MB21D2: variants seen among roughly 807,000 people sequenced by gnomAD.
MB21D2 encodes nucleotidyltransferase MB21D2.
A neutral mutation model predicts 33.3 loss-of-function variants in MB21D2; 9 were observed. The ratio of observed to expected loss-of-function variants is 0.27; its 90% CI spans 0.16 to 0.47. The LOEUF (loss-of-function observed/expected upper bound fraction) is 0.47. Among genes scored for constraint, MB21D2 ranks in the 20% least tolerant of loss-of-function variants. MB21D2 has a pLI of 0.99. For synonymous variants in MB21D2, 241 were observed against 236.3 expected, an observed-to-expected ratio of 1.02 and a Z score of -0.18; for missense variants, 540 against 624.6, an observed-to-expected ratio of 0.86 and a Z score of 1.44.
chr3:192,908,274 C>A (rs954860046), intron 1 of MB21D2, among the ~76,000 whole-genome samples: 4 of 152,142 alleles, frequency 2.6e-5, no homozygotes, highest in African/African-American at 9.7e-5. Flanking sequence ...CTACTATGTG[C>A]ATGACCCCCT....
intron 1 of MB21D2, among the ~76,000 whole-genome samples, chr3:192,862,323 G>A (rs1186634217): frequency 6.6e-6 from 1 of 152,136 alleles, no homozygotes; most frequent in African/African-American, 2.4e-5. Context: ...AAACCTTAAA[G>A]CTCCCTCTCT....
intron 1 of MB21D2, among the ~76,000 whole-genome samples, chr3:192,894,804 G>A (rs1027907506): frequency 6.6e-6 from 1 of 151,900 alleles, no homozygotes; most frequent in African/African-American, 2.4e-5. Context: ...TTCTAACTAG[G>A]GTGTGCCAAT....
chr3:192,801,059 T>TA (rs1157465668), intron 1 of MB21D2, among the ~76,000 whole-genome samples: 1 of 152,242 alleles, frequency 6.6e-6, no homozygotes, highest in Non-Finnish European at 1.5e-5. Context: ...TCTCATGTAT[T>TA]AAGCAGGTAT....
intron 1 of MB21D2, among the ~76,000 whole-genome samples, chr3:192,838,835 A>C (rs910044749): frequency 6.6e-6 from 1 of 152,226 alleles, no homozygotes; most frequent in African/African-American, 2.4e-5. Context: ...CTCTGCCCTC[A>C]TGGAATCTTG....
intron 1 of MB21D2, among the ~76,000 whole-genome samples, chr3:192,853,687 G>T (rs145736044): frequency 6.6e-6 from 1 of 151,772 alleles, no homozygotes; most frequent in East Asian, 1.9e-4. Context: ...AAGTACAGGC[G>T]CACCTTGTTT....
At chr3:192,874,238 T>C (rs1204001563) in intron 1 of MB21D2, among the ~76,000 whole-genome samples, 2 of 152,178 alleles carry the variant, frequency 1.3e-5, no homozygotes, top group African/African-American at 4.8e-5. Context: ...ATAAAAATTT[T>C]GCCATTTACC....
At chr3:192,858,924 A>C (rs1219893241) in intron 1 of MB21D2, among the ~76,000 whole-genome samples, 1 of 152,264 alleles carries the variant, frequency 6.6e-6, no homozygotes, top group African/African-American at 2.4e-5. Flanking sequence ...ATTCCTGCAC[A>C]CGGTGAGAAT....
At chr3:192,834,316 CAAA>C (rs556929185) in intron 1 of MB21D2, among the ~76,000 whole-genome samples, 1 of 110,668 alleles carries the variant, frequency 9.0e-6, no homozygotes. Context: ...GACTGCATCT[CAAA>C]AAAAAAAAAC....
chr3:192,872,206 A>AC (rs1713320451), intron 1 of MB21D2, among the ~76,000 whole-genome samples: 1 of 152,200 alleles, frequency 6.6e-6, no homozygotes, highest in Non-Finnish European at 1.5e-5. Flanking sequence ...GTAAACAGAG[A>AC]CCAACCAAAT....
At chr3:192,810,698 T>A (rs556962784) in intron 1 of MB21D2, among the ~76,000 whole-genome samples, 1 of 152,248 alleles carries the variant, frequency 6.6e-6, no homozygotes, top group African/African-American at 2.4e-5. Context: ...TGGCATAATA[T>A]GTTAAGGTAA....
intron 1 of MB21D2, among the ~76,000 whole-genome samples, chr3:192,821,267 A>T (rs1480909448): frequency 6.6e-6 from 1 of 152,148 alleles, no homozygotes; most frequent in Non-Finnish European, 1.5e-5. Context: ...AGGTTAAATA[A>T]ATGCTCAAAG....
At chr3:192,855,006 T>G (rs1198494370) in intron 1 of MB21D2, among the ~76,000 whole-genome samples, 1 of 152,270 alleles carries the variant, frequency 6.6e-6, no homozygotes, top group Non-Finnish European at 1.5e-5. Flanking sequence ...GTTTTCAGTC[T>G]GCTGATACAA....
At chr3:192,826,296 G>A (rs188148388) in intron 1 of MB21D2, among the ~76,000 whole-genome samples, 63 of 152,342 alleles carry the variant, frequency 4.1e-4, no homozygotes, top group Admixed American at 2.7e-3. Flanking sequence ...AGGGCTTGTA[G>A]GAAGGTAAGT....
intron 1 of MB21D2, among the ~76,000 whole-genome samples, 197 bp downstream of exon 1, chr3:192,917,433 G>T (rs1300603028): frequency 6.6e-6 from 1 of 152,202 alleles, no homozygotes; most frequent in Non-Finnish European, 1.5e-5. Context: ...GTAAAGTATA[G>T]TAAGGAGGGG....
rs1260329084 is a variant in MB21D2 at position 192,799,595 on chromosome 3, G to C, written c.267C>G (p.Leu89=). 1.2e-6 allele frequency: 2 copies of C among 1,614,132 alleles called. No individual in the cohort carries two copies. The highest frequency in any genetic ancestry group is 1.7e-6 in the Non-Finnish European group (2 of 1,180,028). The change falls in exon 2 of 2, where the codon CTC becomes CTG. Residue 89 remains leucine (L), a synonymous_variant. Coordinates refer to ENST00000392452, the MANE Select transcript of MB21D2 (RefSeq NM_178496.4). The surrounding 1 kb of genome is among the most constrained non-coding windows in gnomAD (Gnocchi z 4.1). ...KLPVANEYLL[L]SGGVREGVVD... ...CCACGCCTTCCCGGACACCTCCAGA[G>C]AGCAACAGGTATTCATTAGCCACTG...
intron 1 of MB21D2, among the ~76,000 whole-genome samples, chr3:192,875,172 T>A (rs1294958441): frequency 6.6e-6 from 1 of 152,200 alleles, no homozygotes; most frequent in Non-Finnish European, 1.5e-5. Flanking sequence ...GCTGCCTCCA[T>A]TACCATTTTT....
chr3:192,851,562 T>G (rs2108629694), intron 1 of MB21D2, among the ~76,000 whole-genome samples: 1 of 146,926 alleles, frequency 6.8e-6, no homozygotes, highest in East Asian at 2.1e-4. Context: ...TGCCACGATC[T>G]TGGCTCACTG....
At chr3:192,880,771 G>A (rs1488744348) in intron 1 of MB21D2, among the ~76,000 whole-genome samples, 1 of 152,116 alleles carries the variant, frequency 6.6e-6, no homozygotes, top group Non-Finnish European at 1.5e-5. Flanking sequence ...GACATAACCT[G>A]TCTTTAGATT....
chr3:192,854,530 G>A (rs1307285944), intron 1 of MB21D2, among the ~76,000 whole-genome samples: 3 of 152,346 alleles, frequency 2.0e-5, no homozygotes, highest in Admixed American at 2.0e-4. Context: ...GCTGCAGCAA[G>A]TTATCCAGAG....
Sources: gnomAD v4.1 joint callset for allele counts (sites outside exome capture counted in the v4.1 genomes callset) on GRCh38, gnomAD v4.1.1 for gene constraint, Gnocchi (gnomAD v3.1) non-coding constraint, MANE v1.5 for transcripts, NCBI Gene and HGNC (gene_info 2026-07-23, HGNC 2026-07-21) for gene names.